CERT1: variants seen among roughly 807,000 people sequenced by gnomAD.
The protein encoded by CERT1 is ceramide transfer protein.
In CERT1, 31 loss-of-function variants were observed where a neutral mutation model predicts 87.9. That is an observed-to-expected ratio of 0.35 (90% CI 0.27 to 0.48). CERT1 has a LOEUF of 0.48. Among genes scored for constraint, CERT1 ranks in the 20% least tolerant of loss-of-function variants. The probability of loss-of-function intolerance (pLI) is 0.99; values close to 1 mark genes in which losing one functional copy is unlikely to be tolerated. For synonymous variants in CERT1, 289 were observed against 250.9 expected, an observed-to-expected ratio of 1.15 and a Z score of -1.44; for missense variants, 487 against 758.0, an observed-to-expected ratio of 0.64 and a Z score of 4.20.
At chr5:75,435,058 T>A (rs1400517335) in intron 3 of CERT1, among the ~76,000 whole-genome samples, 1 of 152,174 alleles carries the variant, frequency 6.6e-6, no homozygotes, top group African/African-American at 2.4e-5. Flanking sequence ...ATCATGGTGA[T>A]GTTAGGTTGT....
chr5:75,395,127 A>G (rs1055329547), intron 11 of CERT1, among the ~76,000 whole-genome samples: 2 of 152,226 alleles, frequency 1.3e-5, no homozygotes, highest in African/African-American at 4.8e-5. Context: ...CCATAGATTA[A>G]GCTGCAAATT....
chr5:75,491,298 C>T (rs923933025), intron 2 of CERT1, among the ~76,000 whole-genome samples: 4 of 151,882 alleles, frequency 2.6e-5, no homozygotes, highest in South Asian at 4.2e-4. Flanking sequence ...TCCTTTTTTT[C>T]TTGCAGGTCT....
At chr5:75,420,803 TA>T (rs1763346740) in intron 5 of CERT1, among the ~76,000 whole-genome samples, 1 of 152,134 alleles carries the variant, frequency 6.6e-6, no homozygotes, top group African/African-American at 2.4e-5. Context: ...TTGCTGCTTT[TA>T]TCAAGCTTTT....
At chr5:75,465,690 T>C (rs1413379648) in intron 2 of CERT1, among the ~76,000 whole-genome samples, 1 of 152,228 alleles carries the variant, frequency 6.6e-6, no homozygotes, top group African/African-American at 2.4e-5. Context: ...ACAGGACTGC[T>C]TCCACTTCTG....
intron 2 of CERT1, 188 bp downstream of exon 2, chr5:75,505,794 G>A (rs919402341): frequency 9.7e-6 from 4 of 412,940 alleles, no homozygotes; most frequent in Non-Finnish European, 1.7e-5. Context: ...ACATGTCTAT[G>A]CAAAATAACA....
intron 3 of CERT1, among the ~76,000 whole-genome samples, chr5:75,447,861 A>C (rs1448043937): frequency 1.3e-5 from 2 of 151,684 alleles, no homozygotes; most frequent in Non-Finnish European, 2.9e-5. Flanking sequence ...CTGTAGCCTC[A>C]AACTCCAGGC....
chr5:75,405,025 C>T (rs1762648402), intron 8 of CERT1, among the ~76,000 whole-genome samples: 1 of 151,938 alleles, frequency 6.6e-6, no homozygotes, highest in Non-Finnish European at 1.5e-5. Context: ...CAAACAACAA[C>T]AACAACAACA....
At chr5:75,468,200 T>C (rs1054767016) in intron 2 of CERT1, among the ~76,000 whole-genome samples, 1 of 152,164 alleles carries the variant, frequency 6.6e-6, no homozygotes, top group Non-Finnish European at 1.5e-5. Context: ...TGAATAACTA[T>C]CCATGCATTA....
chr5:75,487,932 G>A (rs956153873), intron 2 of CERT1, among the ~76,000 whole-genome samples: 1 of 152,082 alleles, frequency 6.6e-6, no homozygotes, highest in Admixed American at 6.5e-5. Flanking sequence ...AGGACATTAT[G>A]TCAAGTGAAA....
chr5:75,415,079 A>C lies in CERT1; in HGVS notation c.837+1797T>G, dbSNP rs535382927. Reference sequence around the variant, plus strand: ...ACACTCTACATACAAAAGATTAGAAAGTTCTTGAATAGAGTTGCTTACCAA... The same window carrying C: ...ACACTCTACATACAAAAGATTAGAACGTTCTTGAATAGAGTTGCTTACCAA... On this transcript the variant is annotated intron_variant, in intron 7 of 16. Coordinates refer to ENST00000643780, the MANE Select transcript of CERT1 (RefSeq NM_001379029.1). Among the ~76,000 whole-genome samples, 3 of 152,218 alleles carry C rather than the reference A, an allele frequency of 2.0e-5. No individual in the cohort carries two copies. The East Asian group carries it at 5.8e-4, about 29-fold the overall frequency.
At chr5:75,488,270 T>C (rs1343523502) in intron 2 of CERT1, among the ~76,000 whole-genome samples, 5 of 152,022 alleles carry the variant, frequency 3.3e-5, no homozygotes, top group African/African-American at 9.7e-5. Flanking sequence ...ATGTGATTAT[T>C]ACACACTGTA....
At position 75,506,015 on chromosome 5, in the gene CERT1, T is replaced by C; in HGVS notation, c.198A>G (p.Arg66=). The part of the protein sequence containing the change: ...KSEDETEYGC[R]GSICLSKAVI... Reference sequence around the variant, plus strand: ...CAGCCTTGCTAAGACAGATGGATCCTCTGCAGCCATACTCTGTTTCATCTT... The same window carrying C: ...CAGCCTTGCTAAGACAGATGGATCCCCTGCAGCCATACTCTGTTTCATCTT... The change falls in exon 2 of 17, where the codon AGA becomes AGG. Residue 66 remains arginine, a synonymous_variant. Transcript: ENST00000643780. The C allele has an allele frequency of 1.2e-6, 2 of 1,613,850 alleles. No homozygotes were observed. The highest frequency in any genetic ancestry group is 1.3e-5 in the African/African-American group (1 of 75,028).
intron 2 of CERT1, among the ~76,000 whole-genome samples, chr5:75,488,141 G>C (rs1480624006): frequency 6.6e-6 from 1 of 151,938 alleles, no homozygotes; most frequent in Non-Finnish European, 1.5e-5. Flanking sequence ...GTATTTGATA[G>C]CATAACACAG....
At chr5:75,485,132 A>AT (rs1220604764) in intron 2 of CERT1, among the ~76,000 whole-genome samples, 1 of 151,978 alleles carries the variant, frequency 6.6e-6, no homozygotes, top group Non-Finnish European at 1.5e-5. Flanking sequence ...AAATTAAACA[A>AT]TTTTTTTGAA....
chr5:75,458,084 C>G (rs1400640410), intron 3 of CERT1, among the ~76,000 whole-genome samples: 1 of 151,954 alleles, frequency 6.6e-6, no homozygotes, highest in Admixed American at 6.6e-5. Flanking sequence ...AGTACGTAAA[C>G]AAGCAAAACT....
At chr5:75,437,145 TAAACAGAGCAAGTCA>T (rs934452598) in intron 3 of CERT1, among the ~76,000 whole-genome samples, 8 of 152,162 alleles carry the variant, frequency 5.3e-5, no homozygotes, top group Non-Finnish European at 1.0e-4. Flanking sequence ...TAATGAGTCT[TAAACAGAGCAAGTCA>T]AAACTACTGA....
downstream of CERT1, chr5:75,377,009 G>A (rs146296502): frequency 3.3e-5 from 5 of 152,270 alleles, no homozygotes; most frequent in African/African-American, 9.6e-5. Context: ...CAGTGTAGGT[G>A]AGAATGAGAG....
chr5:75,468,787 C>T (rs1765576868), intron 2 of CERT1, among the ~76,000 whole-genome samples: 1 of 152,172 alleles, frequency 6.6e-6, no homozygotes, highest in Non-Finnish European at 1.5e-5. Flanking sequence ...ACCAGATGAC[C>T]TGCCCAGGAT....
At chr5:75,483,390 C>A (rs1232096287) in intron 2 of CERT1, among the ~76,000 whole-genome samples, 1 of 152,038 alleles carries the variant, frequency 6.6e-6, no homozygotes, top group African/African-American at 2.4e-5. Flanking sequence ...CTACAAAATA[C>A]CCCCAAAAGG....
Sources: allele counts gnomAD v4.1 joint callset (sites outside exome capture counted in the v4.1 genomes callset), GRCh38; gene constraint gnomAD v4.1.1; transcripts MANE v1.5; gene names NCBI Gene and HGNC (gene_info 2026-07-23, HGNC 2026-07-21).